Variants in CTBP2 observed in about 807,000 individuals in gnomAD.
CTBP2 encodes the protein C-terminal binding protein 2.
CTBP2 carries 30 observed loss-of-function variants against 80.3 expected under a neutral mutation model. The ratio of observed to expected loss-of-function variants is 0.37; its 90% CI spans 0.28 to 0.51. CTBP2 has a LOEUF of 0.51. Ranked by LOEUF, CTBP2 falls within the 20% of genes least tolerant of loss-of-function variation. The probability of loss-of-function intolerance (pLI) is 0.93; values close to 1 mark genes in which losing one functional copy is unlikely to be tolerated. For synonymous variants in CTBP2, 594 were observed against 587.4 expected, an observed-to-expected ratio of 1.01 and a Z score of -0.16; for missense variants, 1,212 against 1,375.3, an observed-to-expected ratio of 0.88 and a Z score of 1.88.
intron 8 of CTBP2, among the ~76,000 whole-genome samples, chr10:124,991,897 G>GC (rs72511696): frequency 1.4e-5 from 2 of 144,138 alleles, no homozygotes; most frequent in African/African-American, 2.6e-5. Context: ...CAATAATGGG[G>GC]GGGGGGGTGT....
chr10:125,160,872 C>T (rs1298327156), upstream of CTBP2: 1 of 146,390 alleles, frequency 6.8e-6, no homozygotes, highest in African/African-American at 2.5e-5. Flanking sequence ...GAGGGAACGT[C>T]CTGGATGCCG....
intron 2 of CTBP2, among the ~76,000 whole-genome samples, chr10:125,050,792 T>C (rs1962539376): frequency 6.6e-6 from 1 of 152,328 alleles, no homozygotes; most frequent in Non-Finnish European, 1.5e-5. Context: ...TGTTCCAGGC[T>C]ATAGCTAAAA....
rs1952084534 is a variant in CTBP2, at chr10:124,987,504, G to A, written c.*2014C>T. 6.6e-6 allele frequency: 1 copy of A among 152,140 alleles called. No individual in the cohort carries two copies. Among genetic ancestry groups the A allele is most frequent in the Non-Finnish European group, 1.5e-5 (1 of 68,034 alleles). The allele number at this position is 152,140 out of a possible 1,614,324, so 9.4% of individuals were successfully genotyped here. On this transcript the variant is annotated 3_prime_UTR_variant, in exon 9 of 9. Transcript: ENST00000309035. ...CCAGACTTCTTCACATATTCGTGAA[G>A]GTAAGATATTCTGTGTGCGCTTGGC...
At chr10:125,161,326 G>A (rs1193899793), upstream of CTBP2, among the ~76,000 whole-genome samples, 1 of 151,974 alleles carries the variant, frequency 6.6e-6, no homozygotes, top group Non-Finnish European at 1.5e-5. Context: ...TCCTGTCGCG[G>A]TGGCTCGGGG....
intron 1 of CTBP2, among the ~76,000 whole-genome samples, chr10:125,118,155 T>A (rs960679224): frequency 6.6e-6 from 1 of 152,236 alleles, no homozygotes; most frequent in Non-Finnish European, 1.5e-5. Flanking sequence ...ATGTTTCCAG[T>A]GTTGTCTCAG....
At chr10:125,055,043 T>C (rs1350001950) in intron 2 of CTBP2, among the ~76,000 whole-genome samples, 1 of 152,128 alleles carries the variant, frequency 6.6e-6, no homozygotes, top group African/African-American at 2.4e-5. Flanking sequence ...CGCACACCCA[T>C]AAATCTGGGG....
chr10:125,145,682 T>C (rs1401440339), intron 1 of CTBP2, among the ~76,000 whole-genome samples: 1 of 152,142 alleles, frequency 6.6e-6, no homozygotes, highest in Non-Finnish European at 1.5e-5. Context: ...ATCCTACTAC[T>C]ATCACCACCA....
At chr10:125,020,342 T>C (rs569153039) in intron 1 of CTBP2, among the ~76,000 whole-genome samples, 2 of 152,006 alleles carry the variant, frequency 1.3e-5, no homozygotes, top group African/African-American at 4.8e-5. Flanking sequence ...AAAACTATTA[T>C]CTAGAAACTG....
At position 125,146,464 on chromosome 10, in the gene CTBP2, T is replaced by C. The variant is rs1858796356; in HGVS notation, c.-206+13855A>G. Among the ~76,000 whole-genome samples, 3 of 141,346 alleles carry C rather than the reference T, an allele frequency of 2.1e-5. No individual in the cohort carries two copies. In the South Asian group the frequency reaches 6.8e-4, roughly 32 times the overall value. The allele number at this position is 141,346 out of a possible 152,430, so 92.7% of individuals were successfully genotyped here. A position where few individuals can be genotyped will look rare whatever the true frequency, so the allele number is the denominator to read the frequency against. On this transcript the variant is annotated intron_variant, in intron 1 of 10. Coordinates refer to the CTBP2 transcript ENST00000337195. Reference sequence around the variant, plus strand: ...CATGGCTAATTTTTTGTATTTTTAGTAGAGACAGGGTTTTTGCCATGTTGG... The same window carrying C: ...CATGGCTAATTTTTTGTATTTTTAGCAGAGACAGGGTTTTTGCCATGTTGG...
Position 124,984,784 on chromosome 10 carries a change from A to G in CTBP2, c.*4734T>C. On this transcript the variant is annotated 3_prime_UTR_variant, in exon 9 of 9. Coordinates refer to ENST00000309035, the MANE Select transcript of CTBP2 (RefSeq NM_022802.3). The stretch of plus-strand genomic sequence containing the variant: ...ATATTCCTCCAAAAGCTAGGTAATG[A>G]GGAACAGCAAGAAAAACTGCTCAGG... 6.2e-7 allele frequency: 1 copy of G among 1,613,550 alleles called. No homozygotes were observed. Among genetic ancestry groups the G allele is most frequent in the Middle Eastern group, 1.7e-4 (1 of 6,060 alleles).
intron 2 of CTBP2, among the ~76,000 whole-genome samples, chr10:125,092,350 C>T (rs1006846499): frequency 1.3e-5 from 2 of 151,814 alleles, no homozygotes; most frequent in African/African-American, 4.8e-5. Context: ...GCCATCACAC[C>T]CAGCTCATTT....
chr10:125,005,772 C>G, intron 1 of CTBP2: 1 of 1,612,896 alleles, frequency 6.2e-7, no homozygotes, highest in African/African-American at 1.3e-5. Flanking sequence ...GAGGTCTGAG[C>G]GCACAACCCT....
At chr10:125,148,759 G>A (rs1369573847) in intron 1 of CTBP2, among the ~76,000 whole-genome samples, 1 of 152,184 alleles carries the variant, frequency 6.6e-6, no homozygotes, top group Non-Finnish European at 1.5e-5. Context: ...ACTATTCAAG[G>A]CCTTCCTTAA....
chr10:125,006,285 G>T (rs17152470), intron 1 of CTBP2, among the ~76,000 whole-genome samples: 2,684 of 151,584 alleles, frequency 0.018, 92 homozygotes, highest in African/African-American at 0.061. Flanking sequence ...GGGAAAAGAT[G>T]CCGGGCACGA....
intron 2 of CTBP2, among the ~76,000 whole-genome samples, chr10:125,097,579 G>T (rs370333978): frequency 2.0e-4 from 30 of 152,236 alleles, no homozygotes; most frequent in African/African-American, 7.2e-4. Flanking sequence ...CTACAGGCGC[G>T]CCTTAGGTGC....
chr10:125,122,780 T>TG (rs1854554951), intron 1 of CTBP2: 1 of 152,230 alleles, frequency 6.6e-6, no homozygotes, highest in Admixed American at 6.5e-5. Flanking sequence ...GCTGTCGACA[T>TG]GACCAGCTCT....
intron 2 of CTBP2, among the ~76,000 whole-genome samples, chr10:125,109,910 T>G (rs1852028874): frequency 6.6e-6 from 1 of 152,208 alleles, no homozygotes; most frequent in Admixed American, 6.5e-5. Context: ...GCTACCTCAG[T>G]TTCCCCAGCT....
intron 1 of CTBP2, among the ~76,000 whole-genome samples, chr10:125,119,212 CGA>C (rs1853895442): frequency 6.6e-6 from 1 of 152,210 alleles, no homozygotes. Flanking sequence ...CATACCACAG[CGA>C]GAGATGGAAC....
At chr10:125,009,571 C>G (rs1419089011) in intron 1 of CTBP2, among the ~76,000 whole-genome samples, 1 of 152,224 alleles carries the variant, frequency 6.6e-6, no homozygotes, top group Non-Finnish European at 1.5e-5. Flanking sequence ...CCAGCATGAC[C>G]CGATCCCCAC....
Sources: allele counts gnomAD v4.1 joint callset (sites outside exome capture counted in the v4.1 genomes callset), GRCh38; gene constraint gnomAD v4.1.1; transcripts MANE v1.5; gene names NCBI Gene and HGNC (gene_info 2026-07-23, HGNC 2026-07-21).